ZDHHC14: variants seen among roughly 807,000 people sequenced by gnomAD.
ZDHHC14 encodes the protein palmitoyltransferase ZDHHC14.
Under a neutral mutation model 47.7 loss-of-function variants are expected in ZDHHC14, and 16 were observed. The ratio of observed to expected loss-of-function variants is 0.34; its 90% CI spans 0.23 to 0.51. The LOEUF (loss-of-function observed/expected upper bound fraction) is 0.51, where lower values mean the gene tolerates loss of function less well. ZDHHC14 is among the 20% of genes least tolerant of loss of function. ZDHHC14 has a pLI of 0.97. For missense variants in ZDHHC14, 515 were observed against 662.5 expected (o/e 0.78, Z 2.44); for synonymous variants, 293 against 278.9 (o/e 1.05, Z -0.50).
chr6:157,651,422 G>A (rs1777832497), intron 7 of ZDHHC14, among the ~76,000 whole-genome samples: 1 of 152,152 alleles, frequency 6.6e-6, no homozygotes, highest in South Asian at 2.1e-4. Flanking sequence ...AGCCACACTG[G>A]ACAAAGGCCC....
At chr6:157,616,245 G>A (rs536177262) in intron 3 of ZDHHC14, among the ~76,000 whole-genome samples, 1 of 152,312 alleles carries the variant, frequency 6.6e-6, no homozygotes, top group East Asian at 1.9e-4. Flanking sequence ...AGACAGGAGA[G>A]ATCAGAGAGA....
chr6:157,458,790 C>G (rs1450780582), intron 1 of ZDHHC14, among the ~76,000 whole-genome samples: 2 of 149,372 alleles, frequency 1.3e-5, no homozygotes, highest in Non-Finnish European at 3.0e-5. Context: ...TACGATATAA[C>G]TATGTATTTC....
chr6:157,386,332 C>A (rs1200911024), intron 1 of ZDHHC14, among the ~76,000 whole-genome samples: 1 of 152,028 alleles, frequency 6.6e-6, no homozygotes, highest in African/African-American at 2.4e-5. Flanking sequence ...CATAGTGAGA[C>A]CCCATCTCTA....
chr6:157,409,182 G>A (rs1777824350), intron 1 of ZDHHC14, among the ~76,000 whole-genome samples: 1 of 152,222 alleles, frequency 6.6e-6, no homozygotes, highest in Non-Finnish European at 1.5e-5. Flanking sequence ...GTTGCTGAGG[G>A]AGAAGAGGCC....
intron 2 of ZDHHC14, among the ~76,000 whole-genome samples, chr6:157,577,817 C>T (rs1402101579): frequency 6.6e-6 from 1 of 152,222 alleles, no homozygotes; most frequent in Non-Finnish European, 1.5e-5. Context: ...TCCCAAAGTG[C>T]TGGGATTACA....
At chr6:157,589,543 T>C (rs1386546590) in intron 2 of ZDHHC14, among the ~76,000 whole-genome samples, 1 of 152,012 alleles carries the variant, frequency 6.6e-6, no homozygotes, top group South Asian at 2.1e-4. Flanking sequence ...TGATAGTGAG[T>C]GAGTTCTCAT....
At chr6:157,497,430 A>T (rs908094332) in intron 1 of ZDHHC14, among the ~76,000 whole-genome samples, 4 of 152,228 alleles carry the variant, frequency 2.6e-5, no homozygotes, top group Admixed American at 1.3e-4. Context: ...GCCATGATAT[A>T]TACAAAGTGG....
intron 3 of ZDHHC14, among the ~76,000 whole-genome samples, chr6:157,602,030 C>T (rs1174538512): frequency 5.3e-5 from 8 of 151,886 alleles, no homozygotes; most frequent in African/African-American, 1.4e-4. Context: ...GGTGAAACCG[C>T]GTCTCTACTA....
At chr6:157,534,561 TTCATTTCATTTCATTTCA>T (rs1338131639) in intron 1 of ZDHHC14, among the ~76,000 whole-genome samples, 3 of 105,292 alleles carry the variant, frequency 2.8e-5, no homozygotes. Flanking sequence ...TTCATTTCAT[TTCATTTCATTTCATTTCA>T]TTTCATTTCA....
chr6:157,580,061 T>C (rs1469174227), intron 2 of ZDHHC14, among the ~76,000 whole-genome samples: 1 of 152,216 alleles, frequency 6.6e-6, no homozygotes, highest in Non-Finnish European at 1.5e-5. Flanking sequence ...AGTATATTCC[T>C]TCAATGCCTA....
intron 2 of ZDHHC14, among the ~76,000 whole-genome samples, chr6:157,564,901 T>A (rs917232273): frequency 3.9e-5 from 6 of 152,216 alleles, no homozygotes; most frequent in African/African-American, 1.4e-4. Context: ...TATAGAGATC[T>A]GTGGGTGAGC....
At position 157,627,654 on chromosome 6, in the gene ZDHHC14, A is replaced by T. The variant is rs561345431; in HGVS notation, c.566-695A>T. Among the ~76,000 whole-genome samples the T allele has an allele frequency of 2.6e-5, 4 of 152,290 alleles. No homozygotes were observed. In the South Asian group the frequency reaches 8.3e-4, roughly 32 times the overall value. On this transcript the variant is annotated intron_variant, in intron 3 of 8. Coordinates refer to ENST00000359775, the MANE Select transcript of ZDHHC14 (RefSeq NM_024630.3). ...CAGAGGCGGCATGGACAGTAAGAAG[A>T]TGGGAGCAGCTCTGAAAGGCATGGC...
chr6:157,557,978 A>G (rs771269955), intron 2 of ZDHHC14, among the ~76,000 whole-genome samples: 8 of 152,370 alleles, frequency 5.3e-5, no homozygotes, highest in Admixed American at 2.6e-4. Flanking sequence ...CAAGCCACAC[A>G]TGGTAAATTT....
chr6:157,625,069 C>T (rs1027006366), intron 3 of ZDHHC14, among the ~76,000 whole-genome samples: 1 of 152,180 alleles, frequency 6.6e-6, no homozygotes, highest in African/African-American at 2.4e-5. Flanking sequence ...AATCCTAAGC[C>T]ATTCATGAGA....
chr6:157,601,765 A>G (rs1357127750), intron 3 of ZDHHC14, among the ~76,000 whole-genome samples: 3 of 151,956 alleles, frequency 2.0e-5, no homozygotes, highest in African/African-American at 4.9e-5. Context: ...GGGCCCATGC[A>G]CATGCTTTCT....
At chr6:157,403,569 G>A (rs1235044271) in intron 1 of ZDHHC14, among the ~76,000 whole-genome samples, 1 of 152,112 alleles carries the variant, frequency 6.6e-6, no homozygotes, top group Non-Finnish European at 1.5e-5. Flanking sequence ...AAGGGTTTAG[G>A]GCCGGCCTGA....
At chr6:157,440,828 T>G (rs1778547545) in intron 1 of ZDHHC14, among the ~76,000 whole-genome samples, 1 of 152,216 alleles carries the variant, frequency 6.6e-6, no homozygotes, top group South Asian at 2.1e-4. Flanking sequence ...TTATGGGAAG[T>G]GACTGCTTCA....
At chr6:157,557,705 G>A (rs1035333721) in intron 2 of ZDHHC14, among the ~76,000 whole-genome samples, 5 of 152,162 alleles carry the variant, frequency 3.3e-5, no homozygotes, top group South Asian at 2.1e-4. Context: ...AGACTTCCTC[G>A]TTTCATTTCT....
chr6:157,434,072 T>C (rs1010544155), intron 1 of ZDHHC14, among the ~76,000 whole-genome samples: 1 of 152,090 alleles, frequency 6.6e-6, no homozygotes, highest in Non-Finnish European at 1.5e-5. Context: ...TCCTGAGATA[T>C]ATGCTAAAAG....
Sources: gnomAD v4.1 joint callset for allele counts (sites outside exome capture counted in the v4.1 genomes callset) on GRCh38, gnomAD v4.1.1 for gene constraint, MANE v1.5 for transcripts, NCBI Gene and HGNC (gene_info 2026-07-23, HGNC 2026-07-21) for gene names.